Variants in TEX15 observed in about 807,000 individuals in gnomAD.
TEX15 encodes testis expressed 15, meiosis and synapsis associated.
TEX15 carries 171 observed loss-of-function variants against 237.3 expected under a neutral mutation model. That is an observed-to-expected ratio of 0.72 (90% confidence interval 0.64 to 0.82). The LOEUF is 0.82. Ranked by LOEUF, TEX15 falls within the 40% of genes least tolerant of loss-of-function variation. TEX15 has a pLI of 0.00. For synonymous variants in TEX15, 1,338 were observed against 1,269.8 expected (o/e 1.05, Z -1.14); for missense variants, 3,750 against 3,646.5 (o/e 1.03, Z -0.73).
intron 3 of TEX15, among the ~76,000 whole-genome samples, chr8:30,877,124 G>C (rs141901491): frequency 1.3e-5 from 2 of 152,142 alleles, no homozygotes; most frequent in African/African-American, 2.4e-5. Context: ...ACTAGGAAAA[G>C]AACACTTATT....
chr8:30,854,515 G>A (rs1345787636), intron 7 of TEX15, among the ~76,000 whole-genome samples: 1 of 151,950 alleles, frequency 6.6e-6, no homozygotes, highest in Non-Finnish European at 1.5e-5. Flanking sequence ...TACCCACAAG[G>A]AAAAACCCAT....
chr8:30,891,478 C>T (rs1808791711), intron 2 of TEX15, among the ~76,000 whole-genome samples: 3 of 151,828 alleles, frequency 2.0e-5, no homozygotes, highest in South Asian at 2.1e-4. Context: ...ATTTTCTCCC[C>T]GCACCCCCCC....
Position 30,858,865 on chromosome 8 carries a change from T to C in TEX15, c.688-35A>G, listed in dbSNP as rs1227370271. 2.8e-6 allele frequency: 4 copies of C among 1,452,232 alleles called. No homozygotes were observed. The Admixed American group carries it at 8.1e-5, about 29-fold the overall frequency. The allele number at this position is 1,452,232 out of a possible 1,614,324, so 90.0% of individuals were successfully genotyped here. ...GAAAACAGGTTCATGCTGATTAATT[T>C]TGGCAATCAGAGTTGAATAAGCTCA... On this transcript the variant is annotated intron_variant, in intron 6 of 10. Coordinates refer to ENST00000643185, the MANE Select transcript of TEX15 (RefSeq NM_001350162.2).
In TEX15 at chr8:30,843,414, A is replaced by C; in HGVS notation, c.6753T>G (p.Phe2251Leu). Residue 2251 changes from phenylalanine to leucine, a missense_variant, in exon 8 of 11, where the codon TTT becomes TTG. By Grantham distance (22) the Phe-to-Leu change is conservative. Transcript: ENST00000643185. ...CACGTACTGCCTCGTTGTTCTTAATAAAATTAACCTTTGAGGAGATCATTT... is the reference window on the plus strand; with the variant it reads ...CACGTACTGCCTCGTTGTTCTTAATCAAATTAACCTTTGAGGAGATCATTT... ...IIEMISSKVN[F>L]IKNNEAVRVK... 1 of 1,613,188 alleles carries C rather than the reference A, an allele frequency of 6.2e-7. No homozygotes were observed. The highest frequency in any genetic ancestry group is 8.5e-7 in the Non-Finnish European group (1 of 1,179,680).
intron 3 of TEX15, among the ~76,000 whole-genome samples, chr8:30,875,552 T>C (rs1808382638): frequency 2.6e-5 from 4 of 152,204 alleles, no homozygotes; most frequent in African/African-American, 4.8e-5. Flanking sequence ...CCTGATACAG[T>C]GGCATGTGAA....
chr8:30,878,512 T>C (rs756217581), intron 3 of TEX15, among the ~76,000 whole-genome samples: 2 of 151,858 alleles, frequency 1.3e-5, no homozygotes, highest in Admixed American at 6.6e-5. Flanking sequence ...GCCTCACGAG[T>C]AGCTAGGATT....
intron 1 of TEX15, among the ~76,000 whole-genome samples, chr8:30,902,004 T>C (rs552514052): frequency 1.3e-5 from 2 of 152,322 alleles, no homozygotes; most frequent in East Asian, 3.9e-4. Flanking sequence ...CTGTGGTCCC[T>C]AGATCAGCAG....
intron 4 of TEX15, among the ~76,000 whole-genome samples, chr8:30,874,014 G>A (rs955672957): frequency 2.6e-5 from 4 of 152,080 alleles, no homozygotes; most frequent in Middle Eastern, 3.2e-3. Flanking sequence ...CCAAAGAACC[G>A]TGTCAGGAAT....
At chr8:30,889,954 C>CATATATATATATATATATATATACATAT in intron 2 of TEX15, among the ~76,000 whole-genome samples, 6 of 110,086 alleles carry the variant, frequency 5.5e-5, no homozygotes, top group African/African-American at 1.8e-4. Flanking sequence ...TATATATATA[C>CATATATATATATATATATATATACATAT]ATATATATAT....
At chr8:30,895,975 C>G (rs561726949) in intron 2 of TEX15, among the ~76,000 whole-genome samples, 1 of 152,178 alleles carries the variant, frequency 6.6e-6, no homozygotes, top group Admixed American at 6.5e-5. Flanking sequence ...AGCTACCATG[C>G]CTGGCCAAAC....
intron 1 of TEX15, among the ~76,000 whole-genome samples, chr8:30,905,759 G>T (rs1009266602): frequency 3.3e-5 from 3 of 91,118 alleles, no homozygotes; most frequent in Non-Finnish European, 6.2e-5. Flanking sequence ...AAAAAAAAAA[G>T]GCTGGGCATG....
chr8:30,848,848 T>A lies in TEX15; in HGVS notation c.1319A>T (p.Glu440Val), dbSNP rs570701644. 2.5e-6 allele frequency: 4 copies of A among 1,614,182 alleles called. No homozygotes were observed. In the East Asian group the frequency reaches 6.7e-5, roughly 27 times the overall value. ...ACTACTCTGTTCTCCCATACTTTCT[T>A]CTCTCCTCATCAGTCTTGGGTCTTT... ...SIKDPRLMRR[E>V]ESMGEQSSTA... is the part of the protein sequence containing the mutation. Residue 440 changes from glutamate (E) to valine (V), a missense_variant, in exon 8 of 11, where the codon GAA (glutamate) becomes GTA (valine). Transcript: ENST00000643185.
At chr8:30,878,985 G>A (rs185158268) in intron 3 of TEX15, among the ~76,000 whole-genome samples, 1 of 152,172 alleles carries the variant, frequency 6.6e-6, no homozygotes, top group Admixed American at 6.5e-5. Flanking sequence ...CAAGTATATA[G>A]TTACATCTCA....
In TEX15 at chr8:30,867,301, A is replaced by G. The variant is rs1175913842; in HGVS notation, c.504T>C (p.Ser168=). ...HVDIALNYSH[S]QSITVESILI... Reference sequence around the variant, plus strand: ...AAATACTTTCTACAGTAATGCTTTGACTATGAGAATAATTCAAGGCAATAT... The same window carrying G: ...AAATACTTTCTACAGTAATGCTTTGGCTATGAGAATAATTCAAGGCAATAT... The change falls in exon 5 of 11, where the codon AGT becomes AGC. Residue 168 remains serine (S), a synonymous_variant. Coordinates refer to ENST00000643185, the MANE Select transcript of TEX15 (RefSeq NM_001350162.2). 1.3e-6 allele frequency: 2 copies of G among 1,514,514 alleles called. No individual in the cohort carries two copies. The highest frequency in any genetic ancestry group is 3.9e-5 in the Admixed American group (2 of 50,892). The allele number at this position is 1,514,514 out of a possible 1,614,324, so 93.8% of individuals were successfully genotyped here.
At position 30,846,872 on chromosome 8, in the gene TEX15, G is replaced by C. The variant is rs756435173; in HGVS notation, c.3295C>G (p.Arg1099Gly). 9 of 1,613,782 alleles carry C rather than the reference G, an allele frequency of 5.6e-6. No individual in the cohort carries two copies. Among genetic ancestry groups the C allele is most frequent in the Non-Finnish European group, 7.6e-6 (9 of 1,179,796 alleles). ...GCTAACAGACCTTCCCAACTGATAC[G>C]AGACTTCAGAGCCTTATATGAGGTC... ...FVTSYKALKS[R>G]ISWEGLLALD... The change falls in exon 8 of 11, where the codon CGT becomes GGT. Residue 1099 changes from arginine to glycine, a missense_variant. By Grantham distance (125) the Arg-to-Gly change is moderately radical. Coordinates refer to ENST00000643185, the MANE Select transcript of TEX15 (RefSeq NM_001350162.2).
Position 30,845,372 on chromosome 8 carries a change from CTTTAACATTATGATTTG to C in TEX15, c.4778_4794del (p.Ala1593GlyfsTer4). ...TCACAACTGTTTTCTTTAGTTGCAT[CTTTAACATTATGATTTG>C]CTGAATGTTTTTCAAGCTTTTCATA... On this transcript the variant is annotated frameshift_variant, in exon 8 of 11. Coordinates refer to ENST00000643185, the MANE Select transcript of TEX15 (RefSeq NM_001350162.2). LOFTEE classifies it high-confidence loss of function. 6.2e-7 allele frequency: 1 copy of C among 1,611,518 alleles called. No individual in the cohort carries two copies. The highest frequency in any genetic ancestry group is 2.2e-5 in the East Asian group (1 of 44,852).
chr8:30,901,844 AACT>A (rs1205639414), intron 1 of TEX15, among the ~76,000 whole-genome samples: 1 of 152,194 alleles, frequency 6.6e-6, no homozygotes, highest in South Asian at 2.1e-4. Flanking sequence ...AGCTAGAAAA[AACT>A]ACTACTTAAC....
chr8:30,836,380 A>G (rs1003385859), intron 10 of TEX15, among the ~76,000 whole-genome samples: 1 of 151,448 alleles, frequency 6.6e-6, no homozygotes, highest in African/African-American at 2.4e-5. Flanking sequence ...TGCCCAGCTA[A>G]TTTTTGTATT....
In TEX15 at chr8:30,833,304, G is replaced by A; in HGVS notation, c.9501C>T (p.Ser3167=). 1.9e-6 allele frequency: 3 copies of A among 1,594,866 alleles called. No individual in the cohort carries two copies. Among genetic ancestry groups the A allele is most frequent in the Non-Finnish European group, 2.6e-6 (3 of 1,170,982 alleles). The change falls in exon 11 of 11, where the codon TCC becomes TCT. Residue 3167 remains serine, a synonymous_variant. Coordinates refer to ENST00000643185, the MANE Select transcript of TEX15 (RefSeq NM_001350162.2). The part of the protein sequence containing the change: ...PWVYAPWHQE[S]FHPGH ...ACTATTTTCAGTGTCCTGGATGAAAGGATTCTTGGTGCCATGGAGCTGGAA... is the reference window on the plus strand; with the variant it reads ...ACTATTTTCAGTGTCCTGGATGAAAAGATTCTTGGTGCCATGGAGCTGGAA...
Sources: allele counts gnomAD v4.1 joint callset (sites outside exome capture counted in the v4.1 genomes callset), GRCh38; gene constraint gnomAD v4.1.1; transcripts MANE v1.5; gene names NCBI Gene and HGNC (gene_info 2026-07-23, HGNC 2026-07-21).